The following RAB22A variants were observed in gnomAD, a reference collection of about 807,000 sequenced individuals.
RAB22A encodes the protein RAB22A, member RAS oncogene family, also known as ras-related protein Rab-22A.
RAB22A carries 13 observed loss-of-function variants against 30.2 expected under a neutral mutation model. That is an observed-to-expected ratio of 0.43 (90% CI 0.28 to 0.68). RAB22A has a LOEUF of 0.68. Ranked by LOEUF, RAB22A falls within the 30% of genes least tolerant of loss-of-function variation. The pLI, the probability that RAB22A is intolerant of heterozygous loss-of-function variation, is 0.18. For synonymous variants in RAB22A, 89 were observed against 87.2 expected, an observed-to-expected ratio of 1.02 and a Z score of -0.11; for missense variants, 177 against 246.8, an observed-to-expected ratio of 0.72 and a Z score of 1.89.
chr20:58,344,788 G>A (rs1444406067), intron 3 of RAB22A, among the ~76,000 whole-genome samples: 1 of 152,198 alleles, frequency 6.6e-6, no homozygotes, highest in Non-Finnish European at 1.5e-5. Context: ...AACAAAACAA[G>A]CCATTACTGT....
rs1230518562 is a variant in RAB22A, at chr20:58,363,010, T to C, written c.*3307T>C. On this transcript the variant is annotated 3_prime_UTR_variant, in exon 7 of 7. Coordinates refer to ENST00000244040, the MANE Select transcript of RAB22A (RefSeq NM_020673.3). ...ACGTCTTGTATGTATTTCTTTTCTG[T>C]TCTCAAGGAGGAAAATTGGTCTAGG... is the stretch of plus-strand genomic sequence containing the variant. The C allele has an allele frequency of 6.6e-6, 1 of 152,240 alleles. No homozygotes were observed. The highest frequency in any genetic ancestry group is 1.5e-5 in the Non-Finnish European group (1 of 68,042). 9.4% of individuals were successfully genotyped at this position (152,240 alleles called of 1,614,324 possible). A position where few individuals can be genotyped will look rare whatever the true frequency, so the allele number is the denominator to read the frequency against.
At chr20:58,317,542 T>C (rs904018833) in intron 2 of RAB22A, among the ~76,000 whole-genome samples, 11 of 150,610 alleles carry the variant, frequency 7.3e-5, no homozygotes, top group Non-Finnish European at 1.3e-4. Flanking sequence ...ACTCAATAAA[T>C]GGTAGTTATT....
At chr20:58,325,254 G>A (rs758624327) in intron 2 of RAB22A, among the ~76,000 whole-genome samples, 12 of 145,924 alleles carry the variant, frequency 8.2e-5, no homozygotes, top group East Asian at 2.0e-4. Context: ...CCAGGTGGGC[G>A]GATCACAAGG....
chr20:58,318,821 C>T (rs1986395680), intron 2 of RAB22A, among the ~76,000 whole-genome samples: 1 of 152,136 alleles, frequency 6.6e-6, no homozygotes, highest in African/African-American at 2.4e-5. Context: ...TGTCTGCCTT[C>T]ACCTCCCAGC....
At chr20:58,312,347 C>G (rs1986244300) in intron 2 of RAB22A, among the ~76,000 whole-genome samples, 1 of 150,528 alleles carries the variant, frequency 6.6e-6, no homozygotes, top group Admixed American at 6.6e-5. Context: ...CAGCCTCAAT[C>G]TCCTGGGCTC....
In RAB22A at chr20:58,343,656, G is replaced by A. The variant is rs1161564296; in HGVS notation, c.117-62G>A. 1.4e-5 allele frequency: 18 copies of A among 1,328,460 alleles called. 1 individual carries two copies. Among genetic ancestry groups the A allele is most frequent in the Admixed American group, 6.9e-5 (4 of 58,208 alleles). 82.3% of individuals were successfully genotyped at this position (1,328,460 alleles called of 1,614,324 possible). ...TTGGTTGAGTCTAAGTGATGTTTCC[G>A]ACTGGGGCTGGAAACGTGCTTTACA... On this transcript the variant is annotated intron_variant, in intron 2 of 6. Transcript: ENST00000244040.
intron 6 of RAB22A, 122 bp downstream of exon 6, chr20:58,354,387 A>G (rs1987101167): frequency 1.6e-6 from 1 of 635,858 alleles, no homozygotes; most frequent in Non-Finnish European, 2.6e-6. Context: ...GATCAGTGAA[A>G]TGAAGTTGGA....
chr20:58,321,504 G>A (rs927979872), intron 2 of RAB22A, among the ~76,000 whole-genome samples: 2 of 152,146 alleles, frequency 1.3e-5, no homozygotes, highest in Non-Finnish European at 2.9e-5. Flanking sequence ...TGTGCATTCC[G>A]CTACTGATGT....
intron 6 of RAB22A, among the ~76,000 whole-genome samples, chr20:58,356,326 A>AC (rs1435581857): frequency 6.6e-6 from 1 of 151,214 alleles, no homozygotes; most frequent in Non-Finnish European, 1.5e-5. Context: ...AAAAAAAAAA[A>AC]GGAAGATAGT....
At position 58,364,233 on chromosome 20, in the gene RAB22A, C is replaced by G. The variant is rs955009988; in HGVS notation, c.*4530C>G. ...AATAGAACCAAGAATCTTCATCTAT[C>G]TCTGTTGGTCTTTCAGGATTCTCTT... On this transcript the variant is annotated 3_prime_UTR_variant, in exon 7 of 7. Transcript: ENST00000244040. 1 of 152,362 alleles carries G rather than the reference C, an allele frequency of 6.6e-6. No individual in the cohort carries two copies. Among genetic ancestry groups the G allele is most frequent in the African/African-American group, 2.4e-5 (1 of 41,438 alleles). The allele number at this position is 152,362 out of a possible 1,614,324, so 9.4% of individuals were successfully genotyped here. A position where few individuals can be genotyped will look rare whatever the true frequency, so the allele number is the denominator to read the frequency against.
chr20:58,323,640 TTTTTTTCTTTTA>T (rs1314434323), intron 2 of RAB22A, among the ~76,000 whole-genome samples: 5 of 151,170 alleles, frequency 3.3e-5, no homozygotes, highest in African/African-American at 4.9e-5. Flanking sequence ...TTTTTCTTTT[TTTTTTTCTTTTA>T]AGAGACATGG....
At chr20:58,357,764 G>A (rs1987155876) in intron 6 of RAB22A, among the ~76,000 whole-genome samples, 1 of 152,182 alleles carries the variant, frequency 6.6e-6, no homozygotes, top group Non-Finnish European at 1.5e-5. Context: ...GACATTGGGA[G>A]ATACTTTCTC....
At chr20:58,326,662 A>G (rs935241433) in intron 2 of RAB22A, among the ~76,000 whole-genome samples, 11 of 152,102 alleles carry the variant, frequency 7.2e-5, no homozygotes. Context: ...ATAGGTTTTC[A>G]TTTCCTTTGG....
At chr20:58,340,937 A>C (rs1986844444) in intron 2 of RAB22A, among the ~76,000 whole-genome samples, 1 of 152,192 alleles carries the variant, frequency 6.6e-6, no homozygotes, top group Admixed American at 6.5e-5. Flanking sequence ...AGGTGGACAC[A>C]GGGACAATTG....
At chr20:58,326,851 C>G (rs977383069) in intron 2 of RAB22A, among the ~76,000 whole-genome samples, 3 of 152,142 alleles carry the variant, frequency 2.0e-5, no homozygotes, top group Non-Finnish European at 4.4e-5. Flanking sequence ...CCTCTGTTAC[C>G]ATACTGAATA....
rs752983043 is a variant in RAB22A, at chr20:58,359,705, C to T, written c.*2C>T. 15 of 1,601,182 alleles carry T rather than the reference C, an allele frequency of 9.4e-6. 1 individual carries two copies. The East Asian group carries it at 1.1e-4, about 12-fold the overall frequency. Reference sequence around the variant, plus strand: ...GAGCCAAAGCGGAGCTGCTGCTGACCGAACCTCAGCCTCTCAGACTTGATG... The same window carrying T: ...GAGCCAAAGCGGAGCTGCTGCTGACTGAACCTCAGCCTCTCAGACTTGATG... On this transcript the variant is annotated 3_prime_UTR_variant, in exon 7 of 7. Transcript: ENST00000244040.
chr20:58,334,651 A>G (rs993291806), intron 2 of RAB22A, among the ~76,000 whole-genome samples: 1 of 151,808 alleles, frequency 6.6e-6, no homozygotes, highest in Non-Finnish European at 1.5e-5. Context: ...AATATTTTTG[A>G]TGGACTCCGT....
In RAB22A at chr20:58,346,142, G is replaced by A. The variant is rs6026208; in HGVS notation, c.198+2343G>A. Reference sequence around the variant, plus strand: ...CAAATAGGTTCACTTCTCCATCTCCGCTCCCAGCATCCTGCTCTCAGCCAC... The same window carrying A: ...CAAATAGGTTCACTTCTCCATCTCCACTCCCAGCATCCTGCTCTCAGCCAC... On this transcript the variant is annotated intron_variant, in intron 3 of 6. Coordinates refer to ENST00000244040, the MANE Select transcript of RAB22A (RefSeq NM_020673.3). 1,062 of 152,836 alleles carry A rather than the reference G, an allele frequency of 6.9e-3. 11 individuals carry two copies. The highest frequency in any genetic ancestry group is 0.022 in the South Asian group (108 of 4,828). 9.5% of individuals were successfully genotyped at this position (152,836 alleles called of 1,614,324 possible). A position where few individuals can be genotyped will look rare whatever the true frequency, so the allele number is the denominator to read the frequency against.
intron 6 of RAB22A, among the ~76,000 whole-genome samples, chr20:58,357,246 T>C (rs1469200538): frequency 1.3e-5 from 2 of 152,248 alleles, no homozygotes; most frequent in East Asian, 3.8e-4. Context: ...ATGTTTACAT[T>C]TGTCGTATCT....
Sources: allele counts gnomAD v4.1 joint callset (sites outside exome capture counted in the v4.1 genomes callset), GRCh38; gene constraint gnomAD v4.1.1; transcripts MANE v1.5; gene names NCBI Gene and HGNC (gene_info 2026-07-23, HGNC 2026-07-21).